Variants in PSMA1 observed in about 807,000 individuals in gnomAD.
PSMA1 encodes the protein proteasome subunit alpha type-1.
A neutral mutation model predicts 38.4 loss-of-function variants in PSMA1; 3 were observed. The observed-to-expected ratio is 0.08, with a 90% CI of 0.04 to 0.20. The LOEUF (loss-of-function observed/expected upper bound fraction) is 0.20. Among genes scored for constraint, PSMA1 ranks in the 10% least tolerant of loss-of-function variants. The pLI is 1.00. For missense variants in PSMA1, 227 were observed against 325.3 expected (o/e 0.70, Z 2.32); for synonymous variants, 101 against 107.1 (o/e 0.94, Z 0.35).
intron 2 of PSMA1, among the ~76,000 whole-genome samples, chr11:14,552,197 T>C (rs956924392): frequency 5.3e-5 from 8 of 151,946 alleles, no homozygotes; most frequent in Non-Finnish European, 1.0e-4. Context: ...GCAATTGGAG[T>C]GCCCATGGAG....
At chr11:14,578,875 G>A (rs905065604) in intron 2 of PSMA1, among the ~76,000 whole-genome samples, 2 of 152,222 alleles carry the variant, frequency 1.3e-5, no homozygotes, top group Non-Finnish European at 1.5e-5. Context: ...TGCAACATGT[G>A]TTGAGTCCTA....
chr11:14,594,523 A>T (rs1852462682), intron 2 of PSMA1, among the ~76,000 whole-genome samples: 1 of 152,232 alleles, frequency 6.6e-6, no homozygotes, highest in South Asian at 2.1e-4. Context: ...TCAGTAAATA[A>T]GTGTTCAATA....
chr11:14,595,886 T>C (rs906532168), intron 2 of PSMA1, among the ~76,000 whole-genome samples: 2 of 152,244 alleles, frequency 1.3e-5, no homozygotes, highest in Non-Finnish European at 2.9e-5. Flanking sequence ...GTCTAACAGT[T>C]AAGTCTTTAA....
chr11:14,575,308 G>A (rs916600665), intron 2 of PSMA1, among the ~76,000 whole-genome samples: 1 of 152,146 alleles, frequency 6.6e-6, no homozygotes, highest in Middle Eastern at 3.4e-3. Context: ...TATGCACAAT[G>A]TGCAGGTTTG....
chr11:14,614,540 C>A (rs1004493280), intron 1 of PSMA1, among the ~76,000 whole-genome samples: 1 of 152,086 alleles, frequency 6.6e-6, no homozygotes, highest in Non-Finnish European at 1.5e-5. Flanking sequence ...AAACTCAGTA[C>A]GCAGAAAGAT....
At chr11:14,549,464 G>A (rs1237203920) in intron 2 of PSMA1, among the ~76,000 whole-genome samples, 1 of 152,112 alleles carries the variant, frequency 6.6e-6, no homozygotes, top group Non-Finnish European at 1.5e-5. Context: ...CACTTTGGGA[G>A]GCCAAGGCAG....
intron 1 of PSMA1, among the ~76,000 whole-genome samples, chr11:14,640,808 G>C (rs1203225368): frequency 6.6e-6 from 1 of 152,154 alleles, no homozygotes; most frequent in African/African-American, 2.4e-5. Flanking sequence ...CTTCAGGGAT[G>C]ACTCTAGTTT....
intron 2 of PSMA1, among the ~76,000 whole-genome samples, chr11:14,565,210 T>C (rs963394455): frequency 2.0e-5 from 3 of 152,202 alleles, no homozygotes; most frequent in African/African-American, 7.2e-5. Flanking sequence ...TTATTATCCT[T>C]TAGATGTCTG....
At chr11:14,546,428 C>G (rs1478587473) in intron 2 of PSMA1, among the ~76,000 whole-genome samples, 1 of 152,008 alleles carries the variant, frequency 6.6e-6, no homozygotes, top group Non-Finnish European at 1.5e-5. Flanking sequence ...GTTTAGAGCT[C>G]TCATGGAAAT....
rs1163048153 is a variant in PSMA1, at chr11:14,632,706, G to A, written c.-166+10749C>T. 4.1e-5 allele frequency among the ~76,000 whole-genome samples: 6 copies of A among 145,482 alleles called. No individual in the cohort carries two copies. The East Asian group carries it at 1.0e-3, about 25-fold the overall frequency. ...TTCTCTGTATTTCCTGAATCTGAAC[G>A]TTGGCCTGCCTTGCTAGATTGGGGA... On this transcript the variant is annotated intron_variant, in intron 1 of 10. Transcript: ENST00000418988.
At chr11:14,598,087 A>T (rs1367259601) in intron 2 of PSMA1, among the ~76,000 whole-genome samples, 1 of 152,124 alleles carries the variant, frequency 6.6e-6, no homozygotes, top group Non-Finnish European at 1.5e-5. Flanking sequence ...CCTGAGTTCT[A>T]ATTTGATTGC....
chr11:14,548,604 T>G (rs1055819723), intron 2 of PSMA1, among the ~76,000 whole-genome samples: 5 of 152,200 alleles, frequency 3.3e-5, no homozygotes, highest in Non-Finnish European at 7.3e-5. Context: ...GTGGAAATAT[T>G]TACAGTATGG....
intron 2 of PSMA1, among the ~76,000 whole-genome samples, chr11:14,542,825 G>A (rs1393292785): frequency 1.3e-5 from 2 of 152,180 alleles, no homozygotes; most frequent in African/African-American, 4.8e-5. Flanking sequence ...TTTGCAGGTT[G>A]GCGAAGCTAA....
At chr11:14,613,776 G>A (rs999901765) in intron 1 of PSMA1, among the ~76,000 whole-genome samples, 1 of 152,084 alleles carries the variant, frequency 6.6e-6, no homozygotes, top group East Asian at 1.9e-4. Flanking sequence ...TGAGGCCTCT[G>A]GACACAAAGG....
chr11:14,532,402 C>T (rs551750323), intron 2 of PSMA1, among the ~76,000 whole-genome samples: 7 of 142,078 alleles, frequency 4.9e-5, no homozygotes, highest in South Asian at 4.6e-4. Flanking sequence ...ATCAGGAGTT[C>T]GAGATCAGCC....
intron 2 of PSMA1, among the ~76,000 whole-genome samples, chr11:14,536,983 C>G (rs1851716565): frequency 1.3e-5 from 2 of 152,260 alleles, no homozygotes; most frequent in East Asian, 3.9e-4. Flanking sequence ...GCTGGAGTGG[C>G]AACGGCAACA....
chr11:14,571,321 C>T (rs1263183158), intron 2 of PSMA1, among the ~76,000 whole-genome samples: 1 of 152,182 alleles, frequency 6.6e-6, no homozygotes, highest in Non-Finnish European at 1.5e-5. Context: ...CCTTGGCCTC[C>T]CAAAGTGCTG....
At chr11:14,575,766 T>C (rs896669488) in intron 2 of PSMA1, among the ~76,000 whole-genome samples, 2 of 152,208 alleles carry the variant, frequency 1.3e-5, no homozygotes, top group Non-Finnish European at 2.9e-5. Context: ...ATCCTTTGGG[T>C]ATATACCCAG....
upstream of PSMA1, chr11:14,520,397 G>A: frequency 1.2e-6 from 2 of 1,613,520 alleles, no homozygotes; most frequent in Non-Finnish European, 1.7e-6. Flanking sequence ...AAGTCTGCGG[G>A]AGTTTGACGG....
Sources: gnomAD v4.1 joint callset for allele counts (sites outside exome capture counted in the v4.1 genomes callset) on GRCh38, gnomAD v4.1.1 for gene constraint, MANE v1.5 for transcripts, NCBI Gene and HGNC (gene_info 2026-07-23, HGNC 2026-07-21) for gene names.